The following DPF3 variants were observed in gnomAD, a reference collection of about 807,000 sequenced individuals.
The protein encoded by DPF3 is double PHD fingers 3.
In DPF3, 18 loss-of-function variants were observed where a neutral mutation model predicts 56.8. That is an observed-to-expected ratio of 0.32 (90% CI 0.22 to 0.47). The LOEUF is 0.47. DPF3 is among the 20% of genes least tolerant of loss of function. The probability of loss-of-function intolerance (pLI) is 1.00; values close to 1 mark genes in which losing one functional copy is unlikely to be tolerated. For missense variants in DPF3, 403 were observed against 488.8 expected (o/e 0.82, Z 1.65); for synonymous variants, 188 against 180.2 (o/e 1.04, Z -0.35).
intron 9 of DPF3, among the ~76,000 whole-genome samples, chr14:72,623,210 T>C (rs748149951): frequency 2.0e-5 from 3 of 152,212 alleles, no homozygotes; most frequent in Non-Finnish European, 4.4e-5. Flanking sequence ...AAGAGGTAAG[T>C]AGAGAGCTAC....
intron 6 of DPF3, among the ~76,000 whole-genome samples, chr14:72,705,378 C>T (rs1338080885): frequency 6.6e-6 from 1 of 151,932 alleles, no homozygotes; most frequent in Non-Finnish European, 1.5e-5. Context: ...CAGCTCAGAG[C>T]TCCCACTGAC....
chr14:72,824,989 G>T (rs1349281252), intron 1 of DPF3, among the ~76,000 whole-genome samples: 5 of 151,980 alleles, frequency 3.3e-5, no homozygotes, highest in African/African-American at 1.2e-4. Flanking sequence ...CCGGATTCAA[G>T]CGATTCTCTT....
chr14:72,787,100 T>C (rs1302378123), intron 1 of DPF3, among the ~76,000 whole-genome samples: 1 of 152,222 alleles, frequency 6.6e-6, no homozygotes, highest in Non-Finnish European at 1.5e-5. Context: ...TCACTCCAGA[T>C]AGAACCCTCA....
chr14:72,886,812 G>A (rs984743718), intron 1 of DPF3, among the ~76,000 whole-genome samples: 2 of 152,002 alleles, frequency 1.3e-5, no homozygotes, highest in Admixed American at 1.3e-4. Context: ...AGATGTTCTG[G>A]AGACATGTCA....
At chr14:72,813,396 C>T (rs1014511532) in intron 1 of DPF3, among the ~76,000 whole-genome samples, 6 of 152,174 alleles carry the variant, frequency 3.9e-5, no homozygotes, top group East Asian at 1.9e-4. Flanking sequence ...AACTGCTGAG[C>T]GCTTGCAGCT....
At chr14:72,816,928 C>T (rs1338446694) in intron 1 of DPF3, among the ~76,000 whole-genome samples, 1 of 152,210 alleles carries the variant, frequency 6.6e-6, no homozygotes, top group African/African-American at 2.4e-5. Flanking sequence ...AAATCAAGAA[C>T]AGGCAATTCT....
intron 1 of DPF3, among the ~76,000 whole-genome samples, chr14:72,793,932 G>A (rs564394693): frequency 3.9e-5 from 6 of 152,224 alleles, no homozygotes; most frequent in South Asian, 4.1e-4. Flanking sequence ...ATGGAGGTTC[G>A]TGAAGCTGCT....
intron 6 of DPF3, among the ~76,000 whole-genome samples, chr14:72,709,669 T>C (rs905864906): frequency 1.3e-5 from 2 of 152,152 alleles, no homozygotes; most frequent in African/African-American, 4.8e-5. Context: ...ATGGCGGTTC[T>C]AGAGTTGAGG....
intron 1 of DPF3, among the ~76,000 whole-genome samples, chr14:72,863,219 G>A (rs1885525323): frequency 6.7e-6 from 1 of 149,440 alleles, no homozygotes; most frequent in Non-Finnish European, 1.5e-5. Flanking sequence ...AAGCTCTAAT[G>A]AATTTCAAAA....
chr14:72,640,052 A>T (rs1885503730), intron 8 of DPF3, among the ~76,000 whole-genome samples: 2 of 28,516 alleles, frequency 7.0e-5, no homozygotes, highest in African/African-American at 1.0e-4. Context: ...TAAGTAAAAA[A>T]AAAAAAAAAA....
Position 72,761,649 on chromosome 14 carries a change from T to C in DPF3, c.194-8278A>G, listed in dbSNP as rs181591592. Among the ~76,000 whole-genome samples the C allele has an allele frequency of 3.7e-3, 563 of 151,580 alleles. 2 individuals carry two copies. Among genetic ancestry groups the C allele is most frequent in the African/African-American group, 0.013 (543 of 41,438 alleles). On this transcript the variant is annotated intron_variant, in intron 2 of 10. Transcript: ENST00000556509. ...ACCTGTTTACACCTTAAGAAATAGA[T>C]AAACCTACTATGTACCATAAAAATT...
chr14:72,697,394 G>A lies in DPF3; in HGVS notation c.605-4181C>T, dbSNP rs138115075. Among the ~76,000 whole-genome samples the A allele has an allele frequency of 5.3e-3, 814 of 152,262 alleles. 6 individuals are homozygous for A. Among genetic ancestry groups the A allele is most frequent in the Middle Eastern group, 0.01 (3 of 294 alleles). ...CCAGGCAAAGAGGGACATCAAAGAG[G>A]GGACAGGAAACTGGCTTGAGTGAGT... is the stretch of plus-strand genomic sequence containing the variant. On this transcript the variant is annotated intron_variant, in intron 6 of 10. Coordinates refer to ENST00000556509, the MANE Select transcript of DPF3 (RefSeq NM_001280542.3).
intron 8 of DPF3, among the ~76,000 whole-genome samples, chr14:72,672,019 C>T (rs1234249234): frequency 5.4e-5 from 8 of 149,486 alleles, no homozygotes; most frequent in African/African-American, 7.5e-5. Context: ...TACATGTGCA[C>T]GTGTGCACAC....
chr14:72,878,428 T>C (rs751133419), intron 1 of DPF3, among the ~76,000 whole-genome samples: 2 of 152,156 alleles, frequency 1.3e-5, no homozygotes, highest in African/African-American at 2.4e-5. Context: ...TGTGAAAGTA[T>C]ACAAAAGGCA....
rs1394730325 is a variant in DPF3 at position 72,693,086 on chromosome 14, C to T, written c.732G>A (p.Glu244=). ...CAAGTAGGCACTCACGCCTGTGGTT[C>T]TCATTTCTGTGGTTGGGTGGGGACC... ...ETRSPPNHRN[E]NHRPQKGPDG... Residue 244 remains glutamate, a synonymous_variant, in exon 7 of 11, where the codon GAG becomes GAA. Coordinates refer to ENST00000556509, the MANE Select transcript of DPF3 (RefSeq NM_001280542.3). 1 of 1,613,920 alleles carries T rather than the reference C, an allele frequency of 6.2e-7. No homozygotes were observed. The highest frequency in any genetic ancestry group is 1.3e-5 in the African/African-American group (1 of 74,930).
At chr14:72,837,079 C>G (rs1314698762) in intron 1 of DPF3, among the ~76,000 whole-genome samples, 1 of 151,928 alleles carries the variant, frequency 6.6e-6, no homozygotes, top group Non-Finnish European at 1.5e-5. Flanking sequence ...CCATGTTGGC[C>G]AGACTGGTCT....
At chr14:72,629,476 C>T in intron 9 of DPF3, 148 bp downstream of exon 9, 4 of 645,842 alleles carry the variant, frequency 6.2e-6, no homozygotes, top group Non-Finnish European at 8.0e-6. Flanking sequence ...GTCTCTGAGC[C>T]CTCAAGGGCT....
At position 72,829,222 on chromosome 14, in the gene DPF3, A is replaced by G. The variant is rs181399755; in HGVS notation, c.33-57329T>C. Among the ~76,000 whole-genome samples the G allele has an allele frequency of 1.8e-4, 28 of 152,332 alleles. No homozygotes were observed. The East Asian group carries it at 5.0e-3, about 27-fold the overall frequency. On this transcript the variant is annotated intron_variant, in intron 1 of 10. Coordinates refer to ENST00000556509, the MANE Select transcript of DPF3 (RefSeq NM_001280542.3). ...TCCTATGGAGATTATTAAGATCATT[A>G]GGGCAAAATTCCTTTTGACCTCCCA... is the stretch of plus-strand genomic sequence containing the variant.
In DPF3 at chr14:72,699,082, G is replaced by C. The variant is rs542782290; in HGVS notation, c.605-5869C>G. Among the ~76,000 whole-genome samples, 8 of 152,296 alleles carry C rather than the reference G, an allele frequency of 5.3e-5. 1 individual carries two copies. The South Asian group carries it at 1.7e-3, about 32-fold the overall frequency. ...AGACGTAGATTTTGGAGCTGGCAGGGTGGCAATGGATGTTATAAGTATGGG... is the reference window on the plus strand; with the variant it reads ...AGACGTAGATTTTGGAGCTGGCAGGCTGGCAATGGATGTTATAAGTATGGG... On this transcript the variant is annotated intron_variant, in intron 6 of 10. Transcript: ENST00000556509.
Sources: gnomAD v4.1 joint callset for allele counts (sites outside exome capture counted in the v4.1 genomes callset) on GRCh38, gnomAD v4.1.1 for gene constraint, MANE v1.5 for transcripts, NCBI Gene and HGNC (gene_info 2026-07-23, HGNC 2026-07-21) for gene names.